Variants in SLC25A46 observed in about 807,000 individuals in gnomAD.
SLC25A46 encodes the protein solute carrier family 25 member 46.
Under a neutral mutation model 44.6 loss-of-function variants are expected in SLC25A46, and 39 were observed. That is an observed-to-expected ratio of 0.87 (90% confidence interval 0.68 to 1.14). The LOEUF (loss-of-function observed/expected upper bound fraction) is 1.14. Ranked by LOEUF, SLC25A46 falls within the 50% of genes most tolerant of loss-of-function variation. SLC25A46 has a pLI of 0.00. For missense variants in SLC25A46, 547 were observed against 522.7 expected (o/e 1.05, Z -0.45); for synonymous variants, 202 against 185.8 (o/e 1.09, Z -0.71).
intron 7 of SLC25A46, among the ~76,000 whole-genome samples, chr5:110,759,460 A>C (rs908174487): frequency 1.3e-5 from 2 of 152,152 alleles, no homozygotes; most frequent in African/African-American, 4.8e-5. Flanking sequence ...GCTGGTGCTA[A>C]CTAAGCACAA....
intron 5 of SLC25A46, chr5:110,753,674 A>T (rs1800028925): frequency 1.3e-5 from 2 of 152,176 alleles, no homozygotes; most frequent in African/African-American, 4.8e-5. Context: ...AGTAGAGAAC[A>T]GATACAAAGA....
At position 110,763,783 on chromosome 5, in the gene SLC25A46, G is replaced by A. The variant is rs1800319775; in HGVS notation, c.*2001G>A. 1 of 151,688 alleles carries A rather than the reference G, an allele frequency of 6.6e-6. No homozygotes were observed. The highest frequency in any genetic ancestry group is 2.4e-5 in the African/African-American group (1 of 41,364). The allele number at this position is 151,688 out of a possible 1,614,324, so 9.4% of individuals were successfully genotyped here. On this transcript the variant is annotated 3_prime_UTR_variant, in exon 8 of 8. Coordinates refer to ENST00000355943, the MANE Select transcript of SLC25A46 (RefSeq NM_138773.4). The stretch of plus-strand genomic sequence containing the variant: ...ATAGGCTGAACCATACACAAATAAG[G>A]TTGATCTTGTTTTCCTTTTTGGAGA...
chr5:110,751,187 C>T (rs144054651), intron 5 of SLC25A46, among the ~76,000 whole-genome samples: 16 of 152,186 alleles, frequency 1.1e-4, no homozygotes, highest in East Asian at 9.7e-4. Flanking sequence ...ACCGGGTTTA[C>T]AGTGAGGAAA....
intron 1 of SLC25A46, among the ~76,000 whole-genome samples, chr5:110,741,041 T>TA (rs1401682837): frequency 1.3e-5 from 2 of 152,212 alleles, no homozygotes; most frequent in Non-Finnish European, 2.9e-5. Context: ...TTTTCTAGGG[T>TA]AAACTGCGTA....
At chr5:110,746,395 G>T (rs1799821343) in intron 4 of SLC25A46, 49 bp downstream of exon 4, 3 of 1,289,424 alleles carry the variant, frequency 2.3e-6, no homozygotes, top group South Asian at 2.7e-5. Context: ...AGTGTCATTT[G>T]GGTTTAGTAA....
In SLC25A46 at chr5:110,755,522, G is replaced by A. The variant is rs1171977270; in HGVS notation, c.620+1G>A. Reference sequence around the variant, plus strand: ...TAGGAGAACACCTTCTACTGAAATCGTAAGTATCAAAAAATGGCATTTTTA... The same window carrying A: ...TAGGAGAACACCTTCTACTGAAATCATAAGTATCAAAAAATGGCATTTTTA... On this transcript the variant is annotated splice_donor_variant, in intron 6 of 7. Transcript: ENST00000355943. LOFTEE classifies it high-confidence loss of function. 10 of 1,566,858 alleles carry A rather than the reference G, an allele frequency of 6.4e-6. No individual in the cohort carries two copies. Among genetic ancestry groups the A allele is most frequent in the Non-Finnish European group, 8.7e-6 (10 of 1,155,988 alleles).
intron 4 of SLC25A46, 94 bp downstream of exon 4, chr5:110,746,440 C>A: frequency 3.8e-6 from 3 of 789,362 alleles, no homozygotes; most frequent in South Asian, 1.8e-5. Flanking sequence ...TCAGTTTGGT[C>A]AATAAAACAT....
chr5:110,749,491 C>G (rs1378390227), intron 5 of SLC25A46, among the ~76,000 whole-genome samples: 4 of 125,698 alleles, frequency 3.2e-5, no homozygotes, highest in African/African-American at 1.2e-4. Flanking sequence ...ACATGTGTGC[C>G]GTGTGTGTGT....
chr5:110,739,059 T>A lies in SLC25A46; in HGVS notation c.-61T>A, dbSNP rs1320824797. 1.3e-6 allele frequency: 2 copies of A among 1,524,040 alleles called. No individual in the cohort carries two copies. Among genetic ancestry groups the A allele is most frequent in the South Asian group, 1.2e-5 (1 of 83,118 alleles). The allele number at this position is 1,524,040 out of a possible 1,614,324, so 94.4% of individuals were successfully genotyped here. ...CGACGGGAAGCTGTGTGTGCTTAGGTCGTGGTGGCCCCGGTGGTGGTGGGC... is the reference window on the plus strand; with the variant it reads ...CGACGGGAAGCTGTGTGTGCTTAGGACGTGGTGGCCCCGGTGGTGGTGGGC... On this transcript the variant is annotated 5_prime_UTR_variant, in exon 1 of 8. Transcript: ENST00000355943.
In SLC25A46 at chr5:110,754,302, TC is replaced by T. The variant is rs1800047474; in HGVS notation, c.564-1160del. 5.4e-5 allele frequency: 5 copies of T among 92,472 alleles called. No homozygotes were observed. In the South Asian group the frequency reaches 2.7e-3, roughly 51 times the overall value. The allele number at this position is 92,472 out of a possible 1,614,324, so 5.7% of individuals were successfully genotyped here. A position where few individuals can be genotyped will look rare whatever the true frequency, so the allele number is the denominator to read the frequency against. ...GCAAGTCTTATCTTTATTTTGCACT[TC>T]CCTTTCTGTTTTTTTTTTCTCTTTT... On this transcript the variant is annotated intron_variant, in intron 5 of 7. Transcript: ENST00000355943.
Position 110,744,703 on chromosome 5 carries a change from AC to A in SLC25A46, c.384+917del, listed in dbSNP as rs537165023. On this transcript the variant is annotated intron_variant, in intron 3 of 7. Coordinates refer to ENST00000355943, the MANE Select transcript of SLC25A46 (RefSeq NM_138773.4). ...CTGTTATTTATTTTTGTTTTAATCA[AC>A]AATCTCACTTTGTTTATTTTTTAAA... Among the ~76,000 whole-genome samples, 224 of 152,330 alleles carry A rather than the reference AC, an allele frequency of 1.5e-3. 1 individual carries two copies. The highest frequency in any genetic ancestry group is 1.8e-3 in the Non-Finnish European group (124 of 68,030).
chr5:110,756,790 T>TA (rs555829965), intron 7 of SLC25A46, 31 bp downstream of exon 7: 69 of 1,466,742 alleles, frequency 4.7e-5, no homozygotes, highest in Non-Finnish European at 6.1e-5. Context: ...ATTTTTTTTT[T>TA]ATTTAAGAAT....
At chr5:110,751,766 T>C (rs1013854691) in intron 5 of SLC25A46, among the ~76,000 whole-genome samples, 1 of 152,192 alleles carries the variant, frequency 6.6e-6, no homozygotes, top group Non-Finnish European at 1.5e-5. Flanking sequence ...TTTTGAAATA[T>C]ACTTAGGTCA....
chr5:110,760,642 A>G (rs1342208464), intron 7 of SLC25A46, among the ~76,000 whole-genome samples: 2 of 152,130 alleles, frequency 1.3e-5, no homozygotes, highest in African/African-American at 2.4e-5. Context: ...CATATCCCCA[A>G]AATTCTACAA....
intron 7 of SLC25A46, chr5:110,757,160 C>T (rs985633601): frequency 1.9e-5 from 3 of 154,880 alleles, no homozygotes; most frequent in Non-Finnish European, 4.3e-5. Context: ...GAACAGGAAG[C>T]AGGTTGTCCC....
At chr5:110,743,610 G>C in intron 2 of SLC25A46, 120 bp from the exon 3 acceptor site, 1 of 523,704 alleles carries the variant, frequency 1.9e-6, no homozygotes, top group Non-Finnish European at 3.3e-6. Flanking sequence ...ATTTGTTTAA[G>C]AATGGAAAAC....
chr5:110,757,591 G>T (rs1561607684), intron 7 of SLC25A46, among the ~76,000 whole-genome samples: 2 of 151,680 alleles, frequency 1.3e-5, no homozygotes, highest in African/African-American at 2.4e-5. Context: ...TTTGATTTAT[G>T]ATTATTATTA....
Position 110,743,739 on chromosome 5 carries a change from A to G in SLC25A46, c.336A>G (p.Thr112=). ...GFGIGLASLF[T]ENVLAHPCIV... ...AATTATTTTTATATAGTCTCTTTAC[A>G]GAAAATGTATTGGCACATCCTTGCA... The change falls in exon 3 of 8, where the codon ACA becomes ACG. Residue 112 remains threonine (T), a synonymous_variant. Coordinates refer to ENST00000355943, the MANE Select transcript of SLC25A46 (RefSeq NM_138773.4). 1 of 1,597,370 alleles carries G rather than the reference A, an allele frequency of 6.3e-7. No homozygotes were observed. Among genetic ancestry groups the G allele is most frequent in the Non-Finnish European group, 8.6e-7 (1 of 1,168,762 alleles).
Position 110,761,508 on chromosome 5 carries a change from A to G in SLC25A46, c.983A>G (p.Asp328Gly). ...AACTTTGCTGCCAGTCTTTGTTCTG[A>G]CGTTATACTTTACCCATTGGAAACA... ...IANFAASLCSDVILYPLETVL... is the reference protein window; with the variant it reads ...IANFAASLCSGVILYPLETVL... The change falls in exon 8 of 8, where the codon GAC becomes GGC. Residue 328 changes from aspartate (D) to glycine (G), a missense_variant. Transcript: ENST00000355943. The surrounding 1 kb of genome is among the most constrained non-coding windows in gnomAD (Gnocchi z 5.3). 1 of 1,613,822 alleles carries G rather than the reference A, an allele frequency of 6.2e-7. No homozygotes were observed. The highest frequency in any genetic ancestry group is 8.5e-7 in the Non-Finnish European group (1 of 1,179,814).
Sources: allele counts gnomAD v4.1 joint callset (sites outside exome capture counted in the v4.1 genomes callset), GRCh38; gene constraint gnomAD v4.1.1; non-coding constraint Gnocchi (gnomAD v3.1); transcripts MANE v1.5; gene names NCBI Gene and HGNC (gene_info 2026-07-23, HGNC 2026-07-21).